Variants in PARPBP observed in about 807,000 individuals in gnomAD.
PARPBP encodes the protein PCNA-interacting partner.
Under a neutral mutation model 50.0 loss-of-function variants are expected in PARPBP, and 52 were observed. The observed-to-expected ratio is 1.04, with a 90% confidence interval of 0.83 to 1.31. The LOEUF is 1.31. PARPBP is among the 50% of genes most tolerant of loss of function. The probability of loss-of-function intolerance (pLI) is 0.00; values close to 1 mark genes in which losing one functional copy is unlikely to be tolerated. For synonymous variants in PARPBP, 244 were observed against 232.1 expected (o/e 1.05, Z -0.47); for missense variants, 697 against 672.0 (o/e 1.04, Z -0.41).
chr12:102,168,334 C>G (rs1226120775), intron 6 of PARPBP, among the ~76,000 whole-genome samples: 1 of 152,056 alleles, frequency 6.6e-6, no homozygotes, highest in South Asian at 2.1e-4. Context: ...AGGGAATAGA[C>G]TTCTTCAACT....
intron 6 of PARPBP, among the ~76,000 whole-genome samples, chr12:102,170,230 T>A (rs539808178): frequency 1.2e-4 from 19 of 152,346 alleles, no homozygotes; most frequent in African/African-American, 4.6e-4. Context: ...TATTTCACAT[T>A]TATCACACAA....
intron 8 of PARPBP, 40 bp from the exon 9 acceptor site, chr12:102,182,509 C>T: frequency 7.3e-7 from 1 of 1,372,786 alleles, no homozygotes; most frequent in Non-Finnish European, 1.0e-6. Context: ...AACATTCCAA[C>T]CATAGCAATA....
chr12:102,177,009 C>A (rs747097279), intron 7 of PARPBP, among the ~76,000 whole-genome samples: 9 of 152,172 alleles, frequency 5.9e-5, no homozygotes, highest in Non-Finnish European at 1.0e-4. Flanking sequence ...AAGATACCAA[C>A]AATCTGGTTC....
At chr12:102,147,138 A>T (rs939807249) in intron 2 of PARPBP, among the ~76,000 whole-genome samples, 11 of 152,332 alleles carry the variant, frequency 7.2e-5, no homozygotes, top group African/African-American at 2.6e-4. Context: ...AACTAGTTCA[A>T]CCATTGTGGA....
rs753839083 is a variant in PARPBP at position 102,148,352 on chromosome 12, G to A, written c.276G>A (p.Arg92=). ...MDVTDHYEDV[R]KIYDDFLKNS... is the part of the protein sequence containing the mutation. Reference sequence around the variant, plus strand: ...TGACTGACCATTATGAGGACGTTAGGAAGATTTATGATGATTTCTTGAAGA... The same window carrying A: ...TGACTGACCATTATGAGGACGTTAGAAAGATTTATGATGATTTCTTGAAGA... The change falls in exon 3 of 11, where the codon AGG becomes AGA. Residue 92 remains arginine (R), a synonymous_variant. Transcript: ENST00000327680. The A allele has an allele frequency of 6.3e-7, 1 of 1,586,264 alleles. No homozygotes were observed. Among genetic ancestry groups the A allele is most frequent in the African/African-American group, 1.3e-5 (1 of 74,356 alleles).
intron 9 of PARPBP, among the ~76,000 whole-genome samples, chr12:102,187,805 C>T (rs903412323): frequency 1.3e-5 from 2 of 151,948 alleles, no homozygotes; most frequent in Admixed American, 6.6e-5. Context: ...GGATATAGTA[C>T]GTCATGGTAG....
At chr12:102,128,727 T>C (rs1378392784) in intron 2 of PARPBP, among the ~76,000 whole-genome samples, 1 of 152,220 alleles carries the variant, frequency 6.6e-6, no homozygotes, top group Non-Finnish European at 1.5e-5. Flanking sequence ...CATTCATCCA[T>C]TGATGGATAC....
chr12:102,130,319 A>G (rs1183736215), intron 2 of PARPBP, among the ~76,000 whole-genome samples: 1 of 152,246 alleles, frequency 6.6e-6, no homozygotes, highest in African/African-American at 2.4e-5. Flanking sequence ...CATTCTGGAC[A>G]CAGGCATGGG....
At chr12:102,180,137 T>C (rs1889686364) in intron 8 of PARPBP, among the ~76,000 whole-genome samples, 2 of 152,216 alleles carry the variant, frequency 1.3e-5, no homozygotes, top group Non-Finnish European at 1.5e-5. Flanking sequence ...TTCCACATTC[T>C]ACCTTAGAAT....
In PARPBP at chr12:102,189,732, CAG is replaced by C. The variant is rs928055371; in HGVS notation, c.1264-5579_1264-5578del. ...TGTGTAGGGTAGTTGTGAAAAAAAA[CAG>C]TGAATAAATAATGTTGGGGAAGATT... On this transcript the variant is annotated intron_variant, in intron 9 of 10. Transcript: ENST00000327680. Among the ~76,000 whole-genome samples the C allele has an allele frequency of 2.8e-4, 42 of 151,842 alleles. 1 individual carries two copies. Among genetic ancestry groups the C allele is most frequent in the Admixed American group, 1.1e-3 (17 of 15,224 alleles).
intron 9 of PARPBP, among the ~76,000 whole-genome samples, chr12:102,183,182 C>A (rs1383466512): frequency 6.6e-6 from 1 of 151,934 alleles, no homozygotes; most frequent in Non-Finnish European, 1.5e-5. Flanking sequence ...TTTTTATTGG[C>A]CTTATTTTTC....
At chr12:102,165,607 C>T (rs1888059018) in intron 5 of PARPBP, 122 bp from the exon 6 acceptor site, 1 of 719,186 alleles carries the variant, frequency 1.4e-6, no homozygotes, top group Middle Eastern at 2.5e-4. Flanking sequence ...TGTCATGAGC[C>T]ATAAAATGTG....
rs1307232096 is a variant in PARPBP, at chr12:102,196,010, C to A, written c.1459C>A (p.Leu487Met). The change falls in exon 11 of 11, where the codon CTG becomes ATG. Residue 487 changes from leucine to methionine, a missense_variant. By Grantham distance (15) the Leu-to-Met change is conservative. Coordinates refer to ENST00000327680, the MANE Select transcript of PARPBP (RefSeq NM_017915.5). ...TGGAACGAGTTTTGGAAATGTTCAT[C>A]TGGACAGAAGTAAAAATGAAAAAGT... ...TIGTSFGNVH[L>M]DRSKNEKVSR... 5 of 1,610,004 alleles carry A rather than the reference C, an allele frequency of 3.1e-6. No homozygotes were observed. The highest frequency in any genetic ancestry group is 4.2e-6 in the Non-Finnish European group (5 of 1,178,046).
chr12:102,162,142 ACTAT>A (rs1887668576), intron 4 of PARPBP, among the ~76,000 whole-genome samples: 2 of 152,178 alleles, frequency 1.3e-5, no homozygotes, highest in East Asian at 1.9e-4. Flanking sequence ...ATGCTTAACA[ACTAT>A]CTAAGAGGCT....
At chr12:102,170,782 A>T (rs1002696233) in intron 6 of PARPBP, among the ~76,000 whole-genome samples, 1 of 152,178 alleles carries the variant, frequency 6.6e-6, no homozygotes, top group Non-Finnish European at 1.5e-5. Flanking sequence ...TGAATTTTTT[A>T]AAATTTTGAA....
intron 6 of PARPBP, among the ~76,000 whole-genome samples, chr12:102,172,110 C>T (rs969088963): frequency 1.3e-5 from 2 of 152,242 alleles, no homozygotes; most frequent in East Asian, 1.9e-4. Context: ...TTGGTACAAG[C>T]TTGGGGATTC....
At chr12:102,192,238 A>C (rs1383993608) in intron 9 of PARPBP, among the ~76,000 whole-genome samples, 2 of 152,122 alleles carry the variant, frequency 1.3e-5, no homozygotes, top group Non-Finnish European at 2.9e-5. Flanking sequence ...ATGTTATTAC[A>C]ATAATAATGA....
intron 2 of PARPBP, among the ~76,000 whole-genome samples, chr12:102,124,881 G>A (rs532890105): frequency 6.6e-6 from 1 of 152,238 alleles, no homozygotes; most frequent in East Asian, 1.9e-4. Context: ...GACACTGACA[G>A]ATTTTAACCA....
chr12:102,196,575 G>A lies in PARPBP; in HGVS notation c.*284G>A. ...CATTTAACATACACAAGTTATAGTA[G>A]CAGTATGGGCTTCTCCTCCCATTGG... On this transcript the variant is annotated 3_prime_UTR_variant, in exon 11 of 11. Transcript: ENST00000327680. 2.0e-6 allele frequency: 2 copies of A among 980,428 alleles called. No homozygotes were observed. Among genetic ancestry groups the A allele is most frequent in the Non-Finnish European group, 1.7e-6 (1 of 604,718 alleles). The allele number at this position is 980,428 out of a possible 1,614,324, so 60.7% of individuals were successfully genotyped here. A position where few individuals can be genotyped will look rare whatever the true frequency, so the allele number is the denominator to read the frequency against.
Sources: allele counts gnomAD v4.1 joint callset (sites outside exome capture counted in the v4.1 genomes callset), GRCh38; gene constraint gnomAD v4.1.1; transcripts MANE v1.5; gene names NCBI Gene and HGNC (gene_info 2026-07-23, HGNC 2026-07-21).